Variants in SRGAP3 observed in about 807,000 individuals in gnomAD.
The protein encoded by SRGAP3 is SLIT-ROBO Rho GTPase activating protein 3.
SRGAP3 carries 39 observed loss-of-function variants against 121.1 expected under a neutral mutation model. That is an observed-to-expected ratio of 0.32 (90% confidence interval 0.25 to 0.42). The LOEUF (loss-of-function observed/expected upper bound fraction) is 0.42, where lower values mean the gene tolerates loss of function less well. SRGAP3 is among the 10% of genes least tolerant of loss of function. SRGAP3 has a pLI of 1.00. For missense variants in SRGAP3, 1,213 were observed against 1,470.6 expected (o/e 0.82, Z 2.86); for synonymous variants, 601 against 570.0 (o/e 1.05, Z -0.77).
At chr3:9,214,880 AT>A (rs1952563535) in intron 1 of SRGAP3, among the ~76,000 whole-genome samples, 1 of 152,184 alleles carries the variant, frequency 6.6e-6, no homozygotes, top group South Asian at 2.1e-4. Flanking sequence ...GATGGATCAA[AT>A]TTCTCACCCT....
Position 9,195,212 on chromosome 3 carries a change from T to A in SRGAP3, c.67+53673A>T, listed in dbSNP as rs147425439. ...GCAAGTGCACAGATTTTTAAAACTG[T>A]AGTAAAATAATTAGGAAGTGATGAC... On this transcript the variant is annotated intron_variant, in intron 1 of 21. Coordinates refer to ENST00000383836, the MANE Select transcript of SRGAP3 (RefSeq NM_014850.4). Among the ~76,000 whole-genome samples the A allele has an allele frequency of 5.3e-5, 8 of 152,378 alleles. No individual in the cohort carries two copies. The East Asian group carries it at 1.5e-3, about 29-fold the overall frequency.
Position 9,056,447 on chromosome 3 carries a change from G to A in SRGAP3, c.1024-113C>T, listed in dbSNP as rs571095884. The A allele has an allele frequency of 1.1e-5, 13 of 1,161,602 alleles. 1 individual carries two copies. Among genetic ancestry groups the A allele is most frequent in the South Asian group, 2.7e-5 (2 of 75,212 alleles). The allele number at this position is 1,161,602 out of a possible 1,614,324, so 72.0% of individuals were successfully genotyped here. On this transcript the variant is annotated intron_variant, in intron 7 of 21. Coordinates refer to ENST00000383836, the MANE Select transcript of SRGAP3 (RefSeq NM_014850.4). Reference sequence around the variant, plus strand: ...ATCACAGTCCAGGAAACAGGGGCTCGGAAAGGTTGAGTGACCTGCTCAAGG... The same window carrying A: ...ATCACAGTCCAGGAAACAGGGGCTCAGAAAGGTTGAGTGACCTGCTCAAGG...
At chr3:9,247,947 G>A (rs535982196) in intron 1 of SRGAP3, among the ~76,000 whole-genome samples, 1 of 152,230 alleles carries the variant, frequency 6.6e-6, no homozygotes, top group South Asian at 2.1e-4. Context: ...AGAAGCCCCA[G>A]TCTGGCCTGA....
Position 9,015,582 on chromosome 3 carries a change from C to T in SRGAP3, c.1813+15G>A. The T allele has an allele frequency of 6.2e-7, 1 of 1,613,886 alleles. No individual in the cohort carries two copies. The highest frequency in any genetic ancestry group is 8.5e-7 in the Non-Finnish European group (1 of 1,179,972). Reference sequence around the variant, plus strand: ...TTTGTCAAAAAACTGATCATTTCACCTGGGAAATACTTACTAATAGTAGAT... The same window carrying T: ...TTTGTCAAAAAACTGATCATTTCACTTGGGAAATACTTACTAATAGTAGAT... On this transcript the variant is annotated intron_variant, in intron 15 of 21. Coordinates refer to ENST00000383836, the MANE Select transcript of SRGAP3 (RefSeq NM_014850.4).
intron 3 of SRGAP3, among the ~76,000 whole-genome samples, chr3:9,314,429 GAAGAAGA>G (rs1430108636): frequency 2.6e-5 from 4 of 152,050 alleles, no homozygotes; most frequent in South Asian, 2.1e-4. Context: ...GAGACAGGAG[GAAGAAGA>G]AAGAAGAAAG....
At chr3:9,319,383 C>A (rs1010320787) in intron 3 of SRGAP3, among the ~76,000 whole-genome samples, 1 of 151,684 alleles carries the variant, frequency 6.6e-6, no homozygotes, top group African/African-American at 2.4e-5. Flanking sequence ...ATCATTTGGG[C>A]CAAGAGATAC....
chr3:9,047,580 G>A (rs544604568), intron 9 of SRGAP3, 105 bp from the exon 10 acceptor site: 33 of 1,084,924 alleles, frequency 3.0e-5, no homozygotes, highest in Non-Finnish European at 3.9e-5. Context: ...CAGAGATCAC[G>A]TCACCCGCAG....
intron 15 of SRGAP3, among the ~76,000 whole-genome samples, chr3:9,015,066 G>T (rs1943563157): frequency 6.6e-6 from 1 of 152,122 alleles, no homozygotes; most frequent in South Asian, 2.1e-4. Context: ...AAAATCCCCA[G>T]ACAACTTACT....
intron 5 of SRGAP3, among the ~76,000 whole-genome samples, 186 bp from the exon 6 acceptor site, chr3:9,060,545 C>A (rs1946104868): frequency 6.6e-6 from 1 of 151,586 alleles, no homozygotes; most frequent in African/African-American, 2.4e-5. Flanking sequence ...CCCACCTCAG[C>A]CTCCCGAGTA....
intron 1 of SRGAP3, among the ~76,000 whole-genome samples, chr3:9,219,957 C>A (rs1952754574): frequency 6.6e-6 from 1 of 152,120 alleles, no homozygotes; most frequent in Non-Finnish European, 1.5e-5. Context: ...TACATGTTCT[C>A]ATTCATATGT....
chr3:9,067,522 C>T (rs1000448006), intron 4 of SRGAP3, among the ~76,000 whole-genome samples: 2 of 151,878 alleles, frequency 1.3e-5, no homozygotes, highest in Non-Finnish European at 2.9e-5. Context: ...AGAATATGTG[C>T]CATATTGATG....
intron 4 of SRGAP3, among the ~76,000 whole-genome samples, chr3:9,076,742 T>C (rs1429955663): frequency 7.1e-6 from 1 of 140,076 alleles, no homozygotes; most frequent in East Asian, 2.6e-4. Flanking sequence ...CTCTCACACA[T>C]GTGCATCTCC....
At chr3:9,235,639 G>A (rs2125228201) in intron 1 of SRGAP3, 1 of 151,920 alleles carries the variant, frequency 6.6e-6, no homozygotes, top group African/African-American at 2.4e-5. Flanking sequence ...GATTAGCTGG[G>A]ACTACAGGCG....
At chr3:9,281,906 C>T (rs7633558) in intron 3 of SRGAP3, among the ~76,000 whole-genome samples, 32,179 of 152,002 alleles carry the variant, frequency 0.21, 3,707 homozygotes, top group African/African-American at 0.29. Flanking sequence ...CCTCAAGTGA[C>T]CCGCCCACCT....
intron 3 of SRGAP3, among the ~76,000 whole-genome samples, chr3:9,087,513 T>A (rs1278473727): frequency 6.6e-6 from 1 of 152,114 alleles, no homozygotes; most frequent in Non-Finnish European, 1.5e-5. Flanking sequence ...TGATGTGAGA[T>A]GAAGTGATGA....
At chr3:9,081,134 G>A in intron 3 of SRGAP3, 1 of 373,638 alleles carries the variant, frequency 2.7e-6, no homozygotes, top group Non-Finnish European at 5.3e-6. Context: ...GCACCCACTT[G>A]GACATCGCCT....
intron 1 of SRGAP3, among the ~76,000 whole-genome samples, chr3:9,224,260 G>A (rs536593840): frequency 5.7e-4 from 87 of 152,330 alleles, no homozygotes; most frequent in African/African-American, 2.0e-3. Flanking sequence ...AGGGAAGGCT[G>A]AGCCGGTCAG....
chr3:9,339,728 C>A (rs1955750175), intron 1 of SRGAP3, among the ~76,000 whole-genome samples: 1 of 152,304 alleles, frequency 6.6e-6, no homozygotes, highest in Admixed American at 6.5e-5. Context: ...TAAAATACAC[C>A]TAACCTAGGG....
chr3:9,013,191 A>C, intron 17 of SRGAP3, 117 bp downstream of exon 17: 3 of 1,000,954 alleles, frequency 3.0e-6, no homozygotes, highest in Non-Finnish European at 4.6e-6. Context: ...AGATGAGAAA[A>C]TGTATATGGA....
Sources: gnomAD v4.1 joint callset for allele counts (sites outside exome capture counted in the v4.1 genomes callset) on GRCh38, gnomAD v4.1.1 for gene constraint, MANE v1.5 for transcripts, NCBI Gene and HGNC (gene_info 2026-07-23, HGNC 2026-07-21) for gene names.